Variants in SLIT2 observed in about 807,000 individuals in gnomAD.
SLIT2 encodes the protein slit guidance ligand 2.
In SLIT2, 41 loss-of-function variants were observed where a neutral mutation model predicts 185.7. The ratio of observed to expected loss-of-function variants is 0.22; its 90% CI spans 0.17 to 0.29. SLIT2 has a LOEUF of 0.29. SLIT2 is among the 10% of genes least tolerant of loss of function. SLIT2 has a pLI of 1.00. For missense variants in SLIT2, 1,571 were observed against 1,909.0 expected (o/e 0.82, Z 3.30); for synonymous variants, 693 against 680.2 (o/e 1.02, Z -0.29).
chr4:20,343,877 A>T (rs1368423350), intron 4 of SLIT2, among the ~76,000 whole-genome samples: 1 of 150,380 alleles, frequency 6.6e-6, no homozygotes, highest in East Asian at 2.0e-4. Context: ...TTTGAGATGG[A>T]GTCTCGCTCT....
At position 20,528,080 on chromosome 4, in the gene SLIT2, G is replaced by C. The variant is rs377588109; in HGVS notation, c.1463-869G>C. 5.5e-4 allele frequency among the ~76,000 whole-genome samples: 84 copies of C among 152,188 alleles called. 1 individual carries two copies. Among genetic ancestry groups the C allele is most frequent in the African/African-American group, 2.0e-3 (82 of 41,516 alleles). On this transcript the variant is annotated intron_variant, in intron 15 of 36. Coordinates refer to ENST00000504154, the MANE Select transcript of SLIT2 (RefSeq NM_004787.4). The surrounding 1 kb of genome is among the most constrained non-coding windows in gnomAD (Gnocchi z 4.2). ...TCTGCAGTTCTGAGGAATGGTGGAG[G>C]CACCTTTTCCATATAGCCCCTTCTT...
chr4:20,393,582 G>T (rs1038389692), intron 4 of SLIT2: 1 of 151,992 alleles, frequency 6.6e-6, no homozygotes, highest in African/African-American at 2.4e-5. Context: ...CACCAGGCTT[G>T]TTCTGAGGTT....
intron 4 of SLIT2, among the ~76,000 whole-genome samples, chr4:20,422,159 C>CA (rs1216534046): frequency 6.6e-6 from 1 of 152,006 alleles, no homozygotes; most frequent in Non-Finnish European, 1.5e-5. Flanking sequence ...ATCTGTATCA[C>CA]AAAAAAATTG....
chr4:20,542,600 A>G lies in SLIT2; in HGVS notation c.2250A>G (p.Lys750=), dbSNP rs1487547020. The change falls in exon 21 of 37, where the codon AAA becomes AAG. Residue 750 remains lysine, a synonymous_variant. Coordinates refer to ENST00000504154, the MANE Select transcript of SLIT2 (RefSeq NM_004787.4). ...ACAAGGGTTTGAAGGTCTTGCCGAAAGGTATTCCAAGAGATGTCACAGAGT... is the reference window on the plus strand; with the variant it reads ...ACAAGGGTTTGAAGGTCTTGCCGAAGGGTATTCCAAGAGATGTCACAGAGT... The part of the protein sequence containing the change: ...CSNKGLKVLP[K]GIPRDVTELY... 3 of 1,613,880 alleles carry G rather than the reference A, an allele frequency of 1.9e-6. No homozygotes were observed. The Admixed American group carries it at 5.0e-5, about 27-fold the overall frequency.
At chr4:20,536,034 T>C (rs114803392) in intron 18 of SLIT2, among the ~76,000 whole-genome samples, 1,837 of 152,288 alleles carry the variant, frequency 0.012, 42 homozygotes, top group African/African-American at 0.042. Flanking sequence ...CTGAATACTG[T>C]AGGCAATTGT....
intron 4 of SLIT2, among the ~76,000 whole-genome samples, chr4:20,327,054 T>C (rs2109186799): frequency 6.6e-6 from 1 of 151,980 alleles, no homozygotes; most frequent in East Asian, 1.9e-4. Context: ...TCCCAAACAG[T>C]AGGTTTCTAA....
intron 27 of SLIT2, 28 bp downstream of exon 27, chr4:20,567,414 G>T: frequency 6.2e-7 from 1 of 1,613,012 alleles, no homozygotes; most frequent in Non-Finnish European, 8.5e-7. Context: ...AAGAGTCACA[G>T]TTTGAGAGCA....
intron 4 of SLIT2, among the ~76,000 whole-genome samples, chr4:20,372,839 C>CT (rs1723710465): frequency 1.3e-5 from 2 of 152,004 alleles, no homozygotes; most frequent in African/African-American, 4.8e-5. Context: ...TAATTTCTCT[C>CT]TTTTTACACA....
At chr4:20,425,028 A>G (rs1348521846) in intron 4 of SLIT2, among the ~76,000 whole-genome samples, 1 of 152,098 alleles carries the variant, frequency 6.6e-6, no homozygotes, top group Non-Finnish European at 1.5e-5. Context: ...TTTTTCCCAA[A>G]GGATGGTGTT....
intron 4 of SLIT2, among the ~76,000 whole-genome samples, chr4:20,405,995 T>A (rs1371907540): frequency 9.2e-6 from 1 of 109,072 alleles, no homozygotes; most frequent in Non-Finnish European, 2.2e-5. Flanking sequence ...CAATAGTATA[T>A]GATGTGTGTC....
intron 4 of SLIT2, among the ~76,000 whole-genome samples, chr4:20,426,579 A>C (rs892443170): frequency 1.3e-5 from 2 of 152,182 alleles, no homozygotes; most frequent in South Asian, 4.1e-4. Context: ...GATGATAACT[A>C]AAATTGTAAG....
chr4:20,440,439 T>C (rs1187697888), intron 4 of SLIT2, among the ~76,000 whole-genome samples: 1 of 152,148 alleles, frequency 6.6e-6, no homozygotes, highest in East Asian at 1.9e-4. Context: ...AGACTTTAAA[T>C]CAACTTCTGA....
At position 20,528,913 on chromosome 4, in the gene SLIT2, A is replaced by G; in HGVS notation, c.1463-36A>G. 1 of 1,559,876 alleles carries G rather than the reference A, an allele frequency of 6.4e-7. No individual in the cohort carries two copies. ...AACTAATAAATTTTCTAACCTTTAG[A>G]CTCAGTATCTTTTTTTTGGTTTGAA... On this transcript the variant is annotated intron_variant, in intron 15 of 36. Transcript: ENST00000504154. This position sits in a 1 kb window ranked among gnomAD's most constrained non-coding sequence, Gnocchi z 4.2.
intron 4 of SLIT2, among the ~76,000 whole-genome samples, chr4:20,396,496 T>C (rs1274336708): frequency 6.6e-6 from 1 of 151,910 alleles, no homozygotes; most frequent in African/African-American, 2.4e-5. Flanking sequence ...ACTTGTCATA[T>C]AATTCTGTTT....
chr4:20,415,186 C>A (rs937297754), intron 4 of SLIT2, among the ~76,000 whole-genome samples: 7 of 152,000 alleles, frequency 4.6e-5, no homozygotes, highest in Non-Finnish European at 7.4e-5. Flanking sequence ...CCGAGGCGGG[C>A]GGATCACGAG....
chr4:20,515,520 T>C (rs1284381159), intron 11 of SLIT2, among the ~76,000 whole-genome samples: 2 of 152,160 alleles, frequency 1.3e-5, no homozygotes, highest in Non-Finnish European at 2.9e-5. Flanking sequence ...CTGGCAACCT[T>C]TTCCTAAACT....
chr4:20,404,195 C>T (rs973051031), intron 4 of SLIT2, among the ~76,000 whole-genome samples: 7 of 151,876 alleles, frequency 4.6e-5, no homozygotes, highest in African/African-American at 1.7e-4. Flanking sequence ...TTTTAAGAAG[C>T]TATTACTAGT....
intron 6 of SLIT2, among the ~76,000 whole-genome samples, chr4:20,481,835 G>A (rs1304605057): frequency 1.3e-5 from 2 of 151,958 alleles, no homozygotes; most frequent in Non-Finnish European, 2.9e-5. Flanking sequence ...TTCCAGCTGT[G>A]TAATGTACTG....
chr4:20,541,356 C>A, intron 19 of SLIT2, 97 bp from the exon 20 acceptor site: 1 of 1,003,834 alleles, frequency 1.0e-6, no homozygotes, highest in Non-Finnish European at 1.5e-6. Context: ...AGGAATCATT[C>A]CAGCGGAAAT....
Sources: allele counts gnomAD v4.1 joint callset (sites outside exome capture counted in the v4.1 genomes callset), GRCh38; gene constraint gnomAD v4.1.1; non-coding constraint Gnocchi (gnomAD v3.1); transcripts MANE v1.5; gene names NCBI Gene and HGNC (gene_info 2026-07-23, HGNC 2026-07-21).